Variants in LUZP2 observed in about 807,000 individuals in gnomAD.
LUZP2 encodes leucine zipper protein 2.
LUZP2 carries 52 observed loss-of-function variants against 51.6 expected under a neutral mutation model. The ratio of observed to expected loss-of-function variants is 1.01; its 90% confidence interval spans 0.81 to 1.27. The LOEUF is 1.27. LUZP2 is among the 50% of genes most tolerant of loss of function. LUZP2 has a pLI of 0.00. For synonymous variants in LUZP2, 154 were observed against 137.3 expected, an observed-to-expected ratio of 1.12 and a Z score of -0.85; for missense variants, 436 against 395.4, an observed-to-expected ratio of 1.10 and a Z score of -0.87.
chr11:24,803,679 G>T (rs535820949), intron 5 of LUZP2, among the ~76,000 whole-genome samples: 1 of 152,016 alleles, frequency 6.6e-6, no homozygotes, highest in African/African-American at 2.4e-5. Context: ...CATATGCCAC[G>T]ACATGATGAA....
Position 25,077,359 on chromosome 11 carries a change from G to C in LUZP2, c.889G>C (p.Glu297Gln), listed in dbSNP as rs762076490. 6.2e-7 allele frequency: 1 copy of C among 1,613,060 alleles called. No individual in the cohort carries two copies. The change falls in exon 11 of 12, where the codon GAA becomes CAA. Residue 297 changes from glutamate (E) to glutamine (Q), a missense_variant. Glu to Gln is a conservative substitution (Grantham distance 29). Transcript: ENST00000336930. The part of the protein sequence containing the change: ...EGRPCSMKHK[E>Q]SPPSNATAET... ...CAGACCGTGTTCCATGAAGCACAAAGAAAGTCCCCCAAGTAATGCCACTGC... is the reference window on the plus strand; with the variant it reads ...CAGACCGTGTTCCATGAAGCACAAACAAAGTCCCCCAAGTAATGCCACTGC...
At chr11:25,062,012 G>T (rs905685991) in intron 10 of LUZP2, among the ~76,000 whole-genome samples, 6 of 151,426 alleles carry the variant, frequency 4.0e-5, no homozygotes, top group African/African-American at 1.5e-4. Context: ...TTATTATACA[G>T]ATGGAAATAT....
intron 10 of LUZP2, among the ~76,000 whole-genome samples, chr11:25,071,447 TTAAATA>T (rs1235381029): frequency 1.3e-5 from 2 of 151,870 alleles, no homozygotes; most frequent in East Asian, 1.9e-4. Flanking sequence ...TTGATCGAGT[TTAAATA>T]TAAAGTTTAT....
chr11:24,747,988 G>A (rs569052080), intron 4 of LUZP2, among the ~76,000 whole-genome samples: 2 of 152,256 alleles, frequency 1.3e-5, no homozygotes, highest in Admixed American at 1.3e-4. Context: ...CCACCTTCCA[G>A]CTTTGAAAGA....
chr11:24,789,161 A>G (rs1341040614), intron 5 of LUZP2, among the ~76,000 whole-genome samples: 1 of 152,210 alleles, frequency 6.6e-6, no homozygotes, highest in Non-Finnish European at 1.5e-5. Context: ...CTCTATGGAC[A>G]ACATCAATTT....
At chr11:24,808,480 A>G (rs1426644624) in intron 5 of LUZP2, among the ~76,000 whole-genome samples, 4 of 152,200 alleles carry the variant, frequency 2.6e-5, no homozygotes, top group Non-Finnish European at 5.9e-5. Flanking sequence ...GTAGAATTGA[A>G]GAAACAGTTT....
At chr11:24,854,162 G>C (rs1564994914) in intron 5 of LUZP2, among the ~76,000 whole-genome samples, 1 of 152,210 alleles carries the variant, frequency 6.6e-6, no homozygotes, top group Non-Finnish European at 1.5e-5. Context: ...TGGGAGATCT[G>C]CTGCTCTCTT....
intron 1 of LUZP2, among the ~76,000 whole-genome samples, chr11:24,570,426 G>GTTTA (rs1219230647): frequency 6.6e-6 from 1 of 151,944 alleles, no homozygotes; most frequent in Non-Finnish European, 1.5e-5. Flanking sequence ...TTTATCATAG[G>GTTTA]TTTATTTATT....
At chr11:24,798,960 T>C (rs1042367806) in intron 5 of LUZP2, among the ~76,000 whole-genome samples, 7 of 152,136 alleles carry the variant, frequency 4.6e-5, no homozygotes, top group Non-Finnish European at 7.3e-5. Flanking sequence ...ACATTGCTAC[T>C]AAGAGAAAAG....
chr11:24,962,868 C>T (rs1855457580), intron 7 of LUZP2, among the ~76,000 whole-genome samples: 1 of 152,272 alleles, frequency 6.6e-6, no homozygotes, highest in African/African-American at 2.4e-5. Context: ...TTTTTCTGCT[C>T]TGTTTTTTCC....
intron 7 of LUZP2, among the ~76,000 whole-genome samples, chr11:24,918,921 T>C (rs1373196918): frequency 6.8e-6 from 1 of 146,868 alleles, no homozygotes; most frequent in South Asian, 2.1e-4. Flanking sequence ...CCATAATATG[T>C]ATTATATATA....
At chr11:24,961,309 T>C (rs548015445) in intron 7 of LUZP2, among the ~76,000 whole-genome samples, 2 of 152,194 alleles carry the variant, frequency 1.3e-5, no homozygotes, top group South Asian at 4.1e-4. Flanking sequence ...TCTTGTTAAC[T>C]TTTTGTCTTG....
At chr11:24,510,113 C>T (rs909010425) in intron 1 of LUZP2, among the ~76,000 whole-genome samples, 1 of 152,162 alleles carries the variant, frequency 6.6e-6, no homozygotes, top group Non-Finnish European at 1.5e-5. Flanking sequence ...TTAAACCCAG[C>T]GCTCTGAATT....
chr11:24,774,055 G>A (rs966336338), intron 5 of LUZP2, among the ~76,000 whole-genome samples: 5 of 151,946 alleles, frequency 3.3e-5, no homozygotes, highest in Admixed American at 1.3e-4. Context: ...TTGAGTCAGC[G>A]GGCTGGGAAA....
chr11:25,014,011 G>C (rs1857062157), intron 9 of LUZP2, among the ~76,000 whole-genome samples: 2 of 151,600 alleles, frequency 1.3e-5, no homozygotes. Context: ...TTGGTTTTTT[G>C]TCCCTGCGAT....
intron 5 of LUZP2, among the ~76,000 whole-genome samples, chr11:24,870,272 C>T (rs1176824523): frequency 6.6e-6 from 1 of 152,106 alleles, no homozygotes; most frequent in African/African-American, 2.4e-5. Context: ...ATTGCCTAAG[C>T]CTCTCAATCA....
chr11:24,542,080 A>C (rs562107351), intron 1 of LUZP2, among the ~76,000 whole-genome samples: 1 of 152,124 alleles, frequency 6.6e-6, no homozygotes, highest in Non-Finnish European at 1.5e-5. Flanking sequence ...ATGCCAAAAA[A>C]TGTTTCCCTA....
intron 9 of LUZP2, among the ~76,000 whole-genome samples, chr11:25,009,832 C>T (rs763983993): frequency 1.3e-5 from 2 of 152,066 alleles, no homozygotes; most frequent in Non-Finnish European, 2.9e-5. Context: ...GATAAATTGG[C>T]CTATTAACTC....
At chr11:24,568,613 A>G (rs1380806753) in intron 1 of LUZP2, among the ~76,000 whole-genome samples, 4 of 151,978 alleles carry the variant, frequency 2.6e-5, no homozygotes, top group African/African-American at 4.8e-5. Flanking sequence ...AAATAAGCAT[A>G]AAATAAGAAT....
Sources: allele counts gnomAD v4.1 joint callset (sites outside exome capture counted in the v4.1 genomes callset), GRCh38; gene constraint gnomAD v4.1.1; transcripts MANE v1.5; gene names NCBI Gene and HGNC (gene_info 2026-07-23, HGNC 2026-07-21).